NDRG1: variants seen among roughly 807,000 people sequenced by gnomAD.
The protein encoded by NDRG1 is N-myc downstream regulated 1.
In NDRG1, 32 loss-of-function variants were observed where a neutral mutation model predicts 56.9. The observed-to-expected ratio is 0.56, with a 90% CI of 0.42 to 0.76. The LOEUF (loss-of-function observed/expected upper bound fraction) is 0.76. NDRG1 is among the 30% of genes least tolerant of loss of function. NDRG1 has a pLI of 0.00. For synonymous variants in NDRG1, 211 were observed against 204.1 expected (o/e 1.03, Z -0.29); for missense variants, 507 against 545.7 (o/e 0.93, Z 0.71).
chr8:133,296,828 T>C (rs940102993), intron 1 of NDRG1: 7 of 241,912 alleles, frequency 2.9e-5, no homozygotes, highest in African/African-American at 4.6e-5. Flanking sequence ...TATCCTGGTA[T>C]TTTTTCGGAC....
intron 5 of NDRG1, 123 bp downstream of exon 5, chr8:133,261,924 C>A: frequency 7.4e-7 from 1 of 1,349,886 alleles, no homozygotes; most frequent in Non-Finnish European, 9.9e-7. Flanking sequence ...TTAAAAAGTG[C>A]TTAAGATGAT....
At chr8:133,242,523 A>C (rs1036241324) in intron 14 of NDRG1, among the ~76,000 whole-genome samples, 2 of 152,208 alleles carry the variant, frequency 1.3e-5, no homozygotes, top group Non-Finnish European at 2.9e-5. Context: ...AGCTGAACAG[A>C]TTTGGACAGG....
At chr8:133,246,708 A>C in intron 12 of NDRG1, 45 bp from the exon 13 acceptor site, 1 of 1,565,496 alleles carries the variant, frequency 6.4e-7, no homozygotes, top group Non-Finnish European at 8.8e-7. Flanking sequence ...CGTGAAGCCA[A>C]AGCCAAAACA....
chr8:133,273,645 G>T (rs1444382750), intron 3 of NDRG1, among the ~76,000 whole-genome samples: 1 of 152,168 alleles, frequency 6.6e-6, no homozygotes, highest in Non-Finnish European at 1.5e-5. Flanking sequence ...GAAGCAGATG[G>T]ATCTAAGTCT....
chr8:133,261,057 C>T (rs1049126991), intron 5 of NDRG1, among the ~76,000 whole-genome samples: 2 of 152,184 alleles, frequency 1.3e-5, no homozygotes, highest in African/African-American at 4.8e-5. Context: ...AGAGGATACA[C>T]GTCTCAGTAG....
At chr8:133,296,863 T>C (rs1050023089) in intron 1 of NDRG1, 7 of 224,992 alleles carry the variant, frequency 3.1e-5, no homozygotes, top group Non-Finnish European at 6.5e-5. Context: ...CTTCCCGACC[T>C]CCAGAACCCC....
chr8:133,260,737 G>A (rs1432028194), intron 5 of NDRG1, among the ~76,000 whole-genome samples: 2 of 152,094 alleles, frequency 1.3e-5, no homozygotes, highest in Non-Finnish European at 1.5e-5. Context: ...CTCTGATAAA[G>A]GTTAATTATT....
At chr8:133,284,141 T>C (rs1857968705) in intron 2 of NDRG1, 108 bp downstream of exon 2, 1 of 973,094 alleles carries the variant, frequency 1.0e-6, no homozygotes, top group Admixed American at 1.8e-5. Flanking sequence ...CATGTGTATT[T>C]GTGCAGTGTT....
chr8:133,265,830 A>G (rs1049383865), intron 3 of NDRG1, among the ~76,000 whole-genome samples: 16 of 152,276 alleles, frequency 1.1e-4, no homozygotes, highest in Middle Eastern at 3.4e-3. Context: ...ACTTCCACTC[A>G]CCCTTCACCC....
Position 133,239,098 on chromosome 8 carries a change from C to T in NDRG1, c.965G>A (p.Arg322His), listed in dbSNP as rs1307068606. The change falls in exon 16 of 16, where the codon CGC becomes CAC. Residue 322 changes from arginine to histidine, a missense_variant. Physicochemically the swap from Arg to His is conservative, Grantham distance 29. Transcript: ENST00000323851. Reference sequence around the variant, plus strand: ...AGAGGCTGTGCGGGACCGCATCAGGCGGGTCATGCTAGCCGAGGGCACTAG... The same window carrying T: ...AGAGGCTGTGCGGGACCGCATCAGGTGGGTCATGCTAGCCGAGGGCACTAG... ...MGYMPSASMT[R>H]LMRSRTASGS... 16 of 1,563,140 alleles carry T rather than the reference C, an allele frequency of 1.0e-5. No homozygotes were observed. Among genetic ancestry groups the T allele is most frequent in the Non-Finnish European group, 1.3e-5 (15 of 1,153,682 alleles).
At chr8:133,277,467 G>A (rs910784311) in intron 3 of NDRG1, among the ~76,000 whole-genome samples, 1 of 152,136 alleles carries the variant, frequency 6.6e-6, no homozygotes, top group African/African-American at 2.4e-5. Context: ...GGAGGCTGGG[G>A]CATGAGAATT....
chr8:133,289,615 A>T (rs1858319353), intron 1 of NDRG1, among the ~76,000 whole-genome samples: 1 of 152,174 alleles, frequency 6.6e-6, no homozygotes, highest in Non-Finnish European at 1.5e-5. Context: ...GGAGAGCTGG[A>T]TCACAGGTGC....
intron 13 of NDRG1, among the ~76,000 whole-genome samples, chr8:133,245,147 A>G (rs1327731198): frequency 6.6e-6 from 1 of 152,184 alleles, no homozygotes; most frequent in Non-Finnish European, 1.5e-5. Context: ...CTCAACCAGC[A>G]CGCAGGGAGC....
At chr8:133,250,626 T>TAACC in intron 9 of NDRG1, 83 bp from the exon 10 acceptor site, 1 of 1,161,378 alleles carries the variant, frequency 8.6e-7, no homozygotes, top group Non-Finnish European at 1.3e-6. Context: ...TCCAGGTTAT[T>TAACC]TGGAGACAAA....
rs1855559351 is a variant in NDRG1, at chr8:133,244,501, T to C, written c.856-111A>G. ...CCGCCCGCTGCCCTGCCCTGCCTTG[T>C]CCTGCCTTACAAAGGAGGAACAGGG... On this transcript the variant is annotated intron_variant, in intron 13 of 15. Coordinates refer to ENST00000323851, the MANE Select transcript of NDRG1 (RefSeq NM_006096.4). 71 of 1,279,884 alleles carry C rather than the reference T, an allele frequency of 5.5e-5. 2 individuals are homozygous for C. In the South Asian group the frequency reaches 8.7e-4, roughly 16 times the overall value. The allele number at this position is 1,279,884 out of a possible 1,614,324, so 79.3% of individuals were successfully genotyped here.
chr8:133,252,156 C>T lies in NDRG1; in HGVS notation c.595-1613G>A, dbSNP rs558037747. ...GTCTCACCCAGGCTGCAGTGCATGGCGCGATCTCGGCTCACTGCAGCCTCT... is the reference window on the plus strand; with the variant it reads ...GTCTCACCCAGGCTGCAGTGCATGGTGCGATCTCGGCTCACTGCAGCCTCT... On this transcript the variant is annotated intron_variant, in intron 9 of 15. Coordinates refer to ENST00000323851, the MANE Select transcript of NDRG1 (RefSeq NM_006096.4). Among the ~76,000 whole-genome samples, 9 of 152,270 alleles carry T rather than the reference C, an allele frequency of 5.9e-5. No individual in the cohort carries two copies. In the South Asian group the frequency reaches 6.2e-4, roughly 11 times the overall value.
rs572279836 is a variant in NDRG1, at chr8:133,245,121, C to G, written c.856-731G>C. Among the ~76,000 whole-genome samples, 11 of 152,286 alleles carry G rather than the reference C, an allele frequency of 7.2e-5. No individual in the cohort carries two copies. In the South Asian group the frequency reaches 1.9e-3, roughly 26 times the overall value. On this transcript the variant is annotated intron_variant, in intron 13 of 15. Transcript: ENST00000323851. ...ACACTAGCCACAAAGCGACACTGAC[C>G]TGGGGCAGCCCTCAGCTCAACCAGC...
chr8:133,259,388 A>C, intron 5 of NDRG1, 158 bp from the exon 6 acceptor site: 1 of 711,848 alleles, frequency 1.4e-6, no homozygotes, highest in Non-Finnish European at 2.5e-6. Flanking sequence ...TCCTTCCAAG[A>C]CCCCTGCAGC....
chr8:133,251,057 AG>A (rs1856004521), intron 9 of NDRG1, among the ~76,000 whole-genome samples: 1 of 152,366 alleles, frequency 6.6e-6, no homozygotes, highest in Admixed American at 6.5e-5. Flanking sequence ...AGAGCTGAAA[AG>A]AAGTTTTTCA....
Sources: gnomAD v4.1 joint callset for allele counts (sites outside exome capture counted in the v4.1 genomes callset) on GRCh38, gnomAD v4.1.1 for gene constraint, MANE v1.5 for transcripts, NCBI Gene and HGNC (gene_info 2026-07-23, HGNC 2026-07-21) for gene names.